FAM20C: variants seen among roughly 807,000 people sequenced by gnomAD.
FAM20C encodes extracellular serine/threonine protein kinase FAM20C.
A neutral mutation model predicts 51.5 loss-of-function variants in FAM20C; 40 were observed. That is an observed-to-expected ratio of 0.78 (90% CI 0.60 to 1.01). The LOEUF is 1.01. Ranked by LOEUF, FAM20C falls within the 50% of genes least tolerant of loss-of-function variation. FAM20C has a pLI of 0.00. For missense variants in FAM20C, 861 were observed against 844.7 expected, an observed-to-expected ratio of 1.02 and a Z score of -0.24; for synonymous variants, 406 against 380.6, an observed-to-expected ratio of 1.07 and a Z score of -0.78.
chr7:254,567 G>A (rs1010328158), intron 5 of FAM20C, among the ~76,000 whole-genome samples: 2 of 152,234 alleles, frequency 1.3e-5, no homozygotes, highest in African/African-American at 2.4e-5. Context: ...CCTGGACAGC[G>A]CTTGCATTTT....
chr7:203,996 A>T (rs564349842), intron 2 of FAM20C, among the ~76,000 whole-genome samples: 1 of 152,354 alleles, frequency 6.6e-6, no homozygotes, highest in South Asian at 2.1e-4. Context: ...TGTAGTCACT[A>T]TTCATTGCAG....
intron 3 of FAM20C, among the ~76,000 whole-genome samples, chr7:241,640 G>A (rs1787949607): frequency 6.6e-6 from 1 of 152,080 alleles, no homozygotes; most frequent in African/African-American, 2.4e-5. Context: ...GTGTGCGAGT[G>A]TATGGATGCA....
chr7:250,528 C>T lies in FAM20C; in HGVS notation c.1072+2098C>T, dbSNP rs576091731. On this transcript the variant is annotated intron_variant, in intron 5 of 9. Transcript: ENST00000313766. Reference sequence around the variant, plus strand: ...TCCAGTGATGGGGAACGCATTGGCTCACAGACAATTCAGTCCCTGTTTGGA... The same window carrying T: ...TCCAGTGATGGGGAACGCATTGGCTTACAGACAATTCAGTCCCTGTTTGGA... 5.4e-3 allele frequency among the ~76,000 whole-genome samples: 815 copies of T among 152,302 alleles called. 6 individuals carry two copies. Among genetic ancestry groups the T allele is most frequent in the Middle Eastern group, 0.01 (3 of 294 alleles).
chr7:216,674 T>TGTGA (rs1554251137), intron 3 of FAM20C, among the ~76,000 whole-genome samples: 2 of 140,148 alleles, frequency 1.4e-5, no homozygotes, highest in Admixed American at 6.8e-5. Context: ...AGAGACAGAG[T>TGTGA]GTGTGTGAGA....
At position 193,334 on chromosome 7, in the gene FAM20C, C is replaced by G; in HGVS notation, c.135C>G (p.Gly45=). The change falls in exon 1 of 10, where the codon GGC becomes GGG. Residue 45 remains glycine (G), a synonymous_variant. Coordinates refer to ENST00000313766, the MANE Select transcript of FAM20C (RefSeq NM_020223.4). Reference sequence around the variant, plus strand: ...GCGCGCGGCCCTCGGGGGAGCCCGGCTGTTCGTGCGCGCAGCCCGCCGCCG... The same window carrying G: ...GCGCGCGGCCCTCGGGGGAGCCCGGGTGTTCGTGCGCGCAGCCCGCCGCCG... ...RRGARPSGEP[G]CSCAQPAAEV... 1 of 1,351,154 alleles carries G rather than the reference C, an allele frequency of 7.4e-7. No individual in the cohort carries two copies. The highest frequency in any genetic ancestry group is 9.6e-7 in the Non-Finnish European group (1 of 1,043,422). 83.7% of individuals were successfully genotyped at this position (1,351,154 alleles called of 1,614,324 possible).
chr7:237,004 T>A (rs1004395063), intron 3 of FAM20C, among the ~76,000 whole-genome samples: 1 of 152,132 alleles, frequency 6.6e-6, no homozygotes, highest in Non-Finnish European at 1.5e-5. Flanking sequence ...TGGACTGTTC[T>A]AGGAAAAGGG....
chr7:235,938 G>A (rs1305663857), intron 3 of FAM20C, among the ~76,000 whole-genome samples: 4 of 152,200 alleles, frequency 2.6e-5, no homozygotes, highest in Non-Finnish European at 4.4e-5. Flanking sequence ...TCTGCTGCTC[G>A]GCTAACCCCG....
chr7:193,186 C>T lies in FAM20C; in HGVS notation c.-14C>T, dbSNP rs1785648804. On this transcript the variant is annotated 5_prime_UTR_variant, in exon 1 of 10. Coordinates refer to ENST00000313766, the MANE Select transcript of FAM20C (RefSeq NM_020223.4). ...GGCAGAACGCGCTCCAGGCCCGGGCCGGCCCGCGCGGCCATGAAGATGATG... is the reference window on the plus strand; with the variant it reads ...GGCAGAACGCGCTCCAGGCCCGGGCTGGCCCGCGCGGCCATGAAGATGATG... The T allele has an allele frequency of 1.4e-6, 2 of 1,450,548 alleles. No individual in the cohort carries two copies. The highest frequency in any genetic ancestry group is 1.8e-6 in the Non-Finnish European group (2 of 1,095,664). 89.9% of individuals were successfully genotyped at this position (1,450,548 alleles called of 1,614,324 possible).
chr7:219,570 A>G (rs1787158449), intron 3 of FAM20C, among the ~76,000 whole-genome samples: 1 of 151,404 alleles, frequency 6.6e-6, no homozygotes, highest in Non-Finnish European at 1.5e-5. Flanking sequence ...GGCTGTGCAG[A>G]CCCCTCCTGG....
intron 5 of FAM20C, among the ~76,000 whole-genome samples, chr7:250,808 C>T (rs988887339): frequency 3.3e-5 from 5 of 152,234 alleles, no homozygotes; most frequent in East Asian, 1.9e-4. Context: ...TTCTTATCCA[C>T]GTCTTTTTAC....
At chr7:259,527 T>G in intron 9 of FAM20C, among the ~76,000 whole-genome samples, 1 of 152,234 alleles carries the variant, frequency 6.6e-6, no homozygotes, top group African/African-American at 2.4e-5. Flanking sequence ...TCTCTGTCTG[T>G]CTGCCTTTCT....
chr7:253,579 G>A (rs187483735), intron 5 of FAM20C, among the ~76,000 whole-genome samples: 37 of 135,926 alleles, frequency 2.7e-4, no homozygotes, highest in African/African-American at 9.2e-4. Flanking sequence ...GGCAGCCTTC[G>A]TTACCTGGAC....
intron 2 of FAM20C, among the ~76,000 whole-genome samples, chr7:205,765 C>T (rs1050385932): frequency 1.3e-5 from 2 of 152,242 alleles, no homozygotes; most frequent in South Asian, 4.1e-4. Context: ...TTCTCGTCTG[C>T]GCCCTCCCCC....
In FAM20C at chr7:232,351, G is replaced by A. The variant is rs909267130; in HGVS notation, c.864-14064G>A. 7.9e-5 allele frequency among the ~76,000 whole-genome samples: 12 copies of A among 152,294 alleles called. 1 individual carries two copies. In the South Asian group the frequency reaches 2.5e-3, roughly 32 times the overall value. ...CCCAGCCCCCCACCTCTCAGACCCC[G>A]TCCAGGGACATCCCGTGGCTCCACA... On this transcript the variant is annotated intron_variant, in intron 3 of 9. Coordinates refer to ENST00000313766, the MANE Select transcript of FAM20C (RefSeq NM_020223.4).
intron 2 of FAM20C, among the ~76,000 whole-genome samples, chr7:200,692 T>A (rs1786087958): frequency 6.6e-6 from 1 of 152,212 alleles, no homozygotes; most frequent in Non-Finnish European, 1.5e-5. Context: ...AATCGTGGAA[T>A]AAATAACAGT....
intron 3 of FAM20C, among the ~76,000 whole-genome samples, chr7:223,562 T>A (rs965566888): frequency 9.2e-5 from 14 of 152,170 alleles, no homozygotes; most frequent in African/African-American, 3.4e-4. Context: ...GGGGCGGACA[T>A]GTCCCTGCAA....
chr7:229,078 T>C (rs1405220926), intron 3 of FAM20C: 1 of 291,704 alleles, frequency 3.4e-6, no homozygotes, highest in African/African-American at 3.3e-5. Flanking sequence ...CGGGGGCCAC[T>C]CTAGGACCAG....
intron 3 of FAM20C, among the ~76,000 whole-genome samples, chr7:234,310 C>G (rs992721736): frequency 1.3e-5 from 2 of 152,252 alleles, no homozygotes; most frequent in African/African-American, 4.8e-5. Flanking sequence ...GGCGACAAGC[C>G]CAGTCGGGAG....
In FAM20C at chr7:193,144, A is replaced by G; in HGVS notation, c.-56A>G. The G allele has an allele frequency of 7.2e-7, 1 of 1,397,984 alleles. No individual in the cohort carries two copies. Among genetic ancestry groups the G allele is most frequent in the Non-Finnish European group, 9.4e-7 (1 of 1,063,650 alleles). 86.6% of individuals were successfully genotyped at this position (1,397,984 alleles called of 1,614,324 possible). A position where few individuals can be genotyped will look rare whatever the true frequency, so the allele number is the denominator to read the frequency against. Reference sequence around the variant, plus strand: ...CGGCGCCGCGCTCGTGCCCAGCTGCAGCTAGAGGGGCGCGCGGGCAGAACG... The same window carrying G: ...CGGCGCCGCGCTCGTGCCCAGCTGCGGCTAGAGGGGCGCGCGGGCAGAACG... On this transcript the variant is annotated 5_prime_UTR_variant, in exon 1 of 10. Transcript: ENST00000313766.
Sources: allele counts gnomAD v4.1 joint callset (sites outside exome capture counted in the v4.1 genomes callset), GRCh38; gene constraint gnomAD v4.1.1; transcripts MANE v1.5; gene names NCBI Gene and HGNC (gene_info 2026-07-23, HGNC 2026-07-21).